The following ENOX1 variants were observed in gnomAD, a reference collection of about 807,000 sequenced individuals.
The protein encoded by ENOX1 is ecto-NOX disulfide-thiol exchanger 1, also known as candidate growth-related and time keeping constitutive hydroquinone (NADH) oxidase.
Under a neutral mutation model 82.5 loss-of-function variants are expected in ENOX1, and 42 were observed. The ratio of observed to expected loss-of-function variants is 0.51; its 90% confidence interval spans 0.40 to 0.66. The LOEUF is 0.66. Among genes scored for constraint, ENOX1 ranks in the 30% least tolerant of loss-of-function variants. The pLI is 0.00. For synonymous variants in ENOX1, 271 were observed against 282.2 expected, an observed-to-expected ratio of 0.96 and a Z score of 0.40; for missense variants, 608 against 811.6, an observed-to-expected ratio of 0.75 and a Z score of 3.05.
intron 1 of ENOX1, among the ~76,000 whole-genome samples, chr13:43,696,012 T>C (rs1173029841): frequency 1.3e-5 from 2 of 152,234 alleles, no homozygotes; most frequent in South Asian, 2.1e-4. Flanking sequence ...TTGGCTATTC[T>C]AGACATTTCA....
chr13:43,609,013 T>C (rs1290774421), intron 2 of ENOX1, among the ~76,000 whole-genome samples: 1 of 152,196 alleles, frequency 6.6e-6, no homozygotes, highest in Non-Finnish European at 1.5e-5. Flanking sequence ...GAACTCTCCG[T>C]TCTCAAATTA....
At chr13:43,580,842 T>C (rs1242293916) in intron 2 of ENOX1, among the ~76,000 whole-genome samples, 1 of 152,216 alleles carries the variant, frequency 6.6e-6, no homozygotes, top group Non-Finnish European at 1.5e-5. Flanking sequence ...AAGTTTATTT[T>C]AGAAACTTGA....
chr13:43,632,161 C>A (rs937018142), intron 2 of ENOX1, among the ~76,000 whole-genome samples: 2 of 152,100 alleles, frequency 1.3e-5, no homozygotes, highest in Non-Finnish European at 2.9e-5. Context: ...TATATTAACC[C>A]TATGTCTATG....
intron 2 of ENOX1, among the ~76,000 whole-genome samples, chr13:43,514,071 G>A (rs1463570970): frequency 6.6e-6 from 1 of 152,110 alleles, no homozygotes; most frequent in African/African-American, 2.4e-5. Flanking sequence ...TTTTATTCTT[G>A]TGGGTTAAGT....
At chr13:43,260,062 T>G (rs538641018) in intron 14 of ENOX1, among the ~76,000 whole-genome samples, 2 of 152,342 alleles carry the variant, frequency 1.3e-5, no homozygotes, top group African/African-American at 4.8e-5. Context: ...ATTCAGAAAC[T>G]GAGCAGAGGA....
At chr13:43,518,480 T>C (rs2077641142) in intron 2 of ENOX1, among the ~76,000 whole-genome samples, 1 of 152,050 alleles carries the variant, frequency 6.6e-6, no homozygotes, top group Non-Finnish European at 1.5e-5. Context: ...GGGAGGCAGA[T>C]GCGTTGATGT....
chr13:43,300,581 A>G (rs2153508704), intron 11 of ENOX1, among the ~76,000 whole-genome samples: 1 of 152,346 alleles, frequency 6.6e-6, no homozygotes, highest in South Asian at 2.1e-4. Flanking sequence ...TGGGGCAAGA[A>G]GGAGAGAAAC....
Position 43,352,381 on chromosome 13 carries a change from G to A in ENOX1, c.823+3538C>T, listed in dbSNP as rs193029356. 1.9e-3 allele frequency among the ~76,000 whole-genome samples: 282 copies of A among 152,274 alleles called. 1 individual carries two copies. Among genetic ancestry groups the A allele is most frequent in the Non-Finnish European group, 3.4e-3 (234 of 68,020 alleles). On this transcript the variant is annotated intron_variant, in intron 8 of 16. Transcript: ENST00000690772. ...AAATGCTCTTGCCAAGAGAAATCCCGGTGAATTAGAATATAATCCTTCCTC... is the reference window on the plus strand; with the variant it reads ...AAATGCTCTTGCCAAGAGAAATCCCAGTGAATTAGAATATAATCCTTCCTC...
At chr13:43,256,999 A>C (rs1249676692) in intron 14 of ENOX1, among the ~76,000 whole-genome samples, 1 of 152,236 alleles carries the variant, frequency 6.6e-6, no homozygotes, top group Non-Finnish European at 1.5e-5. Flanking sequence ...GAATCCTGTC[A>C]TTTGCAGCAA....
chr13:43,601,253 C>T (rs1395961173), intron 2 of ENOX1, among the ~76,000 whole-genome samples: 1 of 152,072 alleles, frequency 6.6e-6, no homozygotes, highest in East Asian at 1.9e-4. Flanking sequence ...GAATTCAAAA[C>T]ATCTGATTTA....
At chr13:43,487,568 G>A (rs1470416037) in intron 2 of ENOX1, among the ~76,000 whole-genome samples, 1 of 152,162 alleles carries the variant, frequency 6.6e-6, no homozygotes, top group Non-Finnish European at 1.5e-5. Context: ...ATGGGGTCCT[G>A]TTCTATTTAA....
chr13:43,332,101 A>G (rs188764035), intron 9 of ENOX1, among the ~76,000 whole-genome samples: 128 of 152,332 alleles, frequency 8.4e-4, no homozygotes, highest in African/African-American at 3.0e-3. Flanking sequence ...AGACACCAAC[A>G]GCAGACATCA....
intron 12 of ENOX1, among the ~76,000 whole-genome samples, chr13:43,280,174 A>G (rs1354072534): frequency 2.0e-5 from 3 of 152,218 alleles, no homozygotes; most frequent in Non-Finnish European, 4.4e-5. Flanking sequence ...ACTTCAATCA[A>G]ATAAGAACTT....
At chr13:43,733,189 C>T (rs1413712961) in intron 1 of ENOX1, among the ~76,000 whole-genome samples, 1 of 152,190 alleles carries the variant, frequency 6.6e-6, no homozygotes, top group African/African-American at 2.4e-5. Context: ...ATAAGGATTT[C>T]ATAAATTCTA....
chr13:43,429,187 C>T (rs1336340929), intron 3 of ENOX1, among the ~76,000 whole-genome samples: 2 of 152,140 alleles, frequency 1.3e-5, no homozygotes, highest in African/African-American at 2.4e-5. Flanking sequence ...CCTCATCTCA[C>T]GAGTCATTGG....
intron 6 of ENOX1, among the ~76,000 whole-genome samples, chr13:43,360,711 C>CAAAA (rs36107926): frequency 4.3e-5 from 6 of 140,906 alleles, no homozygotes; most frequent in African/African-American, 7.9e-5. Context: ...ATATGAATGA[C>CAAAA]AAAAAAAAAA....
chr13:43,256,044 A>G (rs937656519), intron 14 of ENOX1, among the ~76,000 whole-genome samples: 2 of 152,234 alleles, frequency 1.3e-5, no homozygotes, highest in Non-Finnish European at 2.9e-5. Flanking sequence ...AAAGGTGTCA[A>G]AAACATAGAT....
At chr13:43,607,062 CAAT>C (rs1413425667) in intron 2 of ENOX1, among the ~76,000 whole-genome samples, 3 of 151,858 alleles carry the variant, frequency 2.0e-5, no homozygotes, top group Admixed American at 6.6e-5. Flanking sequence ...CTACAGTCAA[CAAT>C]AATTTATTAT....
chr13:43,744,735 C>T (rs1949928654), intron 1 of ENOX1, among the ~76,000 whole-genome samples: 1 of 152,200 alleles, frequency 6.6e-6, no homozygotes, highest in Admixed American at 6.6e-5. Flanking sequence ...GGCTTTCCAG[C>T]TATTATGGAA....
Sources: gnomAD v4.1 joint callset for allele counts (sites outside exome capture counted in the v4.1 genomes callset) on GRCh38, gnomAD v4.1.1 for gene constraint, MANE v1.5 for transcripts, NCBI Gene and HGNC (gene_info 2026-07-23, HGNC 2026-07-21) for gene names.